Variants in AKR1A1 observed in about 807,000 individuals in gnomAD.
AKR1A1 encodes the protein HEL-S-165mP.
Under a neutral mutation model 39.2 loss-of-function variants are expected in AKR1A1, and 26 were observed. The ratio of observed to expected loss-of-function variants is 0.66; its 90% CI spans 0.49 to 0.92. The LOEUF (loss-of-function observed/expected upper bound fraction) is 0.92, where lower values mean the gene tolerates loss of function less well. Ranked by LOEUF, AKR1A1 falls within the 40% of genes least tolerant of loss-of-function variation. The probability of loss-of-function intolerance (pLI) is 0.00; values close to 1 mark genes in which losing one functional copy is unlikely to be tolerated. For missense variants in AKR1A1, 378 were observed against 406.5 expected (o/e 0.93, Z 0.60); for synonymous variants, 141 against 155.5 (o/e 0.91, Z 0.69).
At position 45,566,910 on chromosome 1, in the gene AKR1A1, G is replaced by T. The variant is rs1644351529; in HGVS notation, c.246G>T (p.Trp82Cys). Reference protein sequence around the residue: ...REELFVTSKLWNTKHHPEDVE... With the variant: ...REELFVTSKLCNTKHHPEDVE... ...AGCTGTTTGTGACATCCAAGCTGTG[G>T]AACACCAAGCACCACCCCGAGGATG... Residue 82 changes from tryptophan to cysteine, a missense_variant, in exon 4 of 9, where the codon TGG becomes TGT. Physicochemically the swap from Trp to Cys is radical, Grantham distance 215. Transcript: ENST00000351829. 2 of 1,614,154 alleles carry T rather than the reference G, an allele frequency of 1.2e-6. No homozygotes were observed. Among genetic ancestry groups the T allele is most frequent in the Non-Finnish European group, 1.7e-6 (2 of 1,180,018 alleles).
Position 45,566,996 on chromosome 1 carries a change from T to G in AKR1A1, c.332T>G (p.Leu111Arg). 1 of 1,614,224 alleles carries G rather than the reference T, an allele frequency of 6.2e-7. No homozygotes were observed. The highest frequency in any genetic ancestry group is 8.5e-7 in the Non-Finnish European group (1 of 1,180,038). The change falls in exon 4 of 9, where the codon CTG (leucine) becomes CGG (arginine). Residue 111 changes from leucine (L) to arginine (R), a missense_variant. Physicochemically the swap from Leu to Arg is moderately radical, Grantham distance 102. Transcript: ENST00000351829. ...CAGCTGGAGTATCTGGACCTGTACC[T>G]GATGCACTGGCCTTATGCCTTTGAG... Reference protein sequence around the residue: ...DLQLEYLDLYLMHWPYAFERG... With the variant: ...DLQLEYLDLYRMHWPYAFERG...
At chr1:45,563,946 C>T (rs1480849448) in intron 2 of AKR1A1, among the ~76,000 whole-genome samples, 1 of 152,186 alleles carries the variant, frequency 6.6e-6, no homozygotes, top group African/African-American at 2.4e-5. Context: ...TCAGGGTGGA[C>T]GTAGCTATGA....
chr1:45,562,330 A>ATTTT (rs957556536), intron 2 of AKR1A1, among the ~76,000 whole-genome samples: 3 of 132,220 alleles, frequency 2.3e-5, no homozygotes, highest in African/African-American at 5.7e-5. Context: ...AGGTCAGCAA[A>ATTTT]TTTTTTTTTT....
chr1:45,563,565 G>A (rs371782316), intron 2 of AKR1A1, among the ~76,000 whole-genome samples: 6 of 152,192 alleles, frequency 3.9e-5, no homozygotes, highest in East Asian at 1.9e-4. Context: ...TGAGGCAGGC[G>A]GATCACCTGA....
chr1:45,555,315 C>G (rs1644187232), intron 1 of AKR1A1, among the ~76,000 whole-genome samples: 1 of 152,124 alleles, frequency 6.6e-6, no homozygotes, highest in African/African-American at 2.4e-5. Context: ...TGGAGAAACC[C>G]TGTCTCTACT....
chr1:45,564,264 G>A (rs1644312167), intron 2 of AKR1A1, among the ~76,000 whole-genome samples: 1 of 152,134 alleles, frequency 6.6e-6, no homozygotes, highest in African/African-American at 2.4e-5. Flanking sequence ...GAGGGTTGGG[G>A]GCCACAGACA....
chr1:45,559,769 AAGTAAG>A (rs1644254226), intron 1 of AKR1A1, among the ~76,000 whole-genome samples: 3 of 126,142 alleles, frequency 2.4e-5, no homozygotes, highest in African/African-American at 3.0e-5. Context: ...TCAGCCTCCC[AAGTAAG>A]TAGCTGGGAT....
At chr1:45,551,517 G>A (rs1410829843) in intron 1 of AKR1A1, among the ~76,000 whole-genome samples, 1 of 152,144 alleles carries the variant, frequency 6.6e-6, no homozygotes, top group Non-Finnish European at 1.5e-5. Flanking sequence ...GCAGGTGCAG[G>A]GATAGTTCTC....
rs375588689 is a variant in AKR1A1, at chr1:45,566,951, G to A, written c.287G>A (p.Arg96Gln). Reference protein sequence around the residue: ...HHPEDVEPALRKTLADLQLEY... With the variant: ...HHPEDVEPALQKTLADLQLEY... The stretch of plus-strand genomic sequence containing the variant: ...CCCGAGGATGTGGAGCCTGCCCTCC[G>A]GAAGACTCTGGCTGACCTCCAGCTG... Residue 96 changes from arginine to glutamine, a missense_variant, in exon 4 of 9, where the codon CGG (arginine) becomes CAG (glutamine). Arg to Gln is a conservative substitution (Grantham distance 43). Coordinates refer to ENST00000351829, the MANE Select transcript of AKR1A1 (RefSeq NM_153326.3). 1.2e-5 allele frequency: 19 copies of A among 1,613,942 alleles called. No individual in the cohort carries two copies. The highest frequency in any genetic ancestry group is 4.4e-5 in the South Asian group (4 of 91,062).
intron 1 of AKR1A1, among the ~76,000 whole-genome samples, chr1:45,555,335 A>G (rs1223497381): frequency 1.3e-5 from 2 of 152,150 alleles, no homozygotes; most frequent in African/African-American, 4.8e-5. Context: ...TAAAAATACA[A>G]AATTAGCCAG....
chr1:45,554,289 A>G (rs1210825284), intron 1 of AKR1A1, among the ~76,000 whole-genome samples: 1 of 151,878 alleles, frequency 6.6e-6, no homozygotes, highest in African/African-American at 2.4e-5. Flanking sequence ...TGAGCTGGAC[A>G]TCGTGGCCCA....
At position 45,568,557 on chromosome 1, in the gene AKR1A1, G is replaced by C. The variant is rs1345270669; in HGVS notation, c.625G>C (p.Ala209Pro). The change falls in exon 6 of 9, where the codon GCT (alanine) becomes CCT (proline). Residue 209 changes from alanine (A) to proline (P), a missense_variant. Coordinates refer to ENST00000351829, the MANE Select transcript of AKR1A1 (RefSeq NM_153326.3). ...HCQARGLEVT[A>P]YSPLGSSDRA... ...CCAAGCACGTGGCCTGGAGGTAACT[G>C]CTTATAGCCCTTTGGGCTCCTCTGA... is the stretch of plus-strand genomic sequence containing the variant. The C allele has an allele frequency of 6.2e-7, 1 of 1,613,992 alleles. No individual in the cohort carries two copies. Among genetic ancestry groups the C allele is most frequent in the Admixed American group, 1.7e-5 (1 of 60,022 alleles).
intron 1 of AKR1A1, among the ~76,000 whole-genome samples, chr1:45,553,291 A>G (rs1397964261): frequency 6.6e-6 from 1 of 151,634 alleles, no homozygotes; most frequent in Non-Finnish European, 1.5e-5. Flanking sequence ...GTGTGGTGGC[A>G]TGCGCCTGTA....
chr1:45,566,571 A>G lies in AKR1A1; in HGVS notation c.87A>G (p.Val29=). 6.2e-7 allele frequency: 1 copy of G among 1,614,220 alleles called. No individual in the cohort carries two copies. Residue 29 remains valine, a splice_region_variant and synonymous_variant, in exon 3 of 9, where the codon GTA becomes GTG. Transcript: ENST00000351829. ...LGTWKSEPGQ[V]KAAVKYALSV... is the part of the protein sequence containing the mutation. ...CCTCTGCTTCTCTCACCTGGCAGGTAAAAGCAGCTGTTAAGTATGCCCTTA... is the reference window on the plus strand; with the variant it reads ...CCTCTGCTTCTCTCACCTGGCAGGTGAAAGCAGCTGTTAAGTATGCCCTTA...
intron 1 of AKR1A1, among the ~76,000 whole-genome samples, chr1:45,554,896 C>G (rs2148289931): frequency 6.6e-6 from 1 of 152,172 alleles, no homozygotes; most frequent in South Asian, 2.1e-4. Flanking sequence ...TTGCCATGTC[C>G]CCCAGGCTGG....
At chr1:45,568,210 G>T (rs542352470) in intron 5 of AKR1A1, 33 bp downstream of exon 5, 1 of 1,585,950 alleles carries the variant, frequency 6.3e-7, no homozygotes, top group African/African-American at 1.3e-5. Context: ...TGGTTTAGGG[G>T]TTGTCTGCTC....
rs771426342 is a variant in AKR1A1, at chr1:45,566,651, T to C, written c.167T>C (p.Ile56Thr). The change falls in exon 3 of 9, where the codon ATT becomes ACT. Residue 56 changes from isoleucine to threonine, a missense_variant. Ile to Thr is a moderately conservative substitution (Grantham distance 89). Transcript: ENST00000351829. The part of the protein sequence containing the change: ...CAAIYGNEPE[I>T]GEALKEDVGP... ...GCTATCTACGGCAATGAGCCTGAGA[T>C]TGGGGAGGCCCTGAAGGAGGACGTG... 1.1e-5 allele frequency: 17 copies of C among 1,614,196 alleles called. No individual in the cohort carries two copies. The highest frequency in any genetic ancestry group is 5.5e-5 in the South Asian group (5 of 91,078).
At chr1:45,566,845 T>C in intron 3 of AKR1A1, 24 bp from the exon 4 acceptor site, 3 of 1,611,106 alleles carry the variant, frequency 1.9e-6, no homozygotes, top group Non-Finnish European at 2.5e-6. Flanking sequence ...CTCTTCTCAC[T>C]GTGGGCCCTG....
chr1:45,569,790 G>A lies in AKR1A1; in HGVS notation c.913-101G>A, dbSNP rs1644391087. Reference sequence around the variant, plus strand: ...AGCCAATGCCATCTGGCATAGTGCTGTACACAGGTGAGTTTGTTTAGGAAG... The same window carrying A: ...AGCCAATGCCATCTGGCATAGTGCTATACACAGGTGAGTTTGTTTAGGAAG... On this transcript the variant is annotated intron_variant, in intron 8 of 8. Coordinates refer to ENST00000351829, the MANE Select transcript of AKR1A1 (RefSeq NM_153326.3). The A allele has an allele frequency of 1.3e-5, 13 of 1,011,026 alleles. No individual in the cohort carries two copies. The South Asian group carries it at 1.8e-4, about 14-fold the overall frequency. 62.6% of individuals were successfully genotyped at this position (1,011,026 alleles called of 1,614,324 possible).
Sources: gnomAD v4.1 joint callset for allele counts (sites outside exome capture counted in the v4.1 genomes callset) on GRCh38, gnomAD v4.1.1 for gene constraint, MANE v1.5 for transcripts, NCBI Gene and HGNC (gene_info 2026-07-23, HGNC 2026-07-21) for gene names.